Variants in ADAMTS1 observed in about 807,000 individuals in gnomAD.
ADAMTS1 encodes A disintegrin and metalloproteinase with thrombospondin motifs 1.
A neutral mutation model predicts 87.9 loss-of-function variants in ADAMTS1; 19 were observed. The ratio of observed to expected loss-of-function variants is 0.22; its 90% CI spans 0.15 to 0.32. The LOEUF is 0.32. Ranked by LOEUF, ADAMTS1 falls within the 10% of genes least tolerant of loss-of-function variation. The probability of loss-of-function intolerance (pLI) is 1.00; values close to 1 mark genes in which losing one functional copy is unlikely to be tolerated. For synonymous variants in ADAMTS1, 542 were observed against 501.8 expected, an observed-to-expected ratio of 1.08 and a Z score of -1.07; for missense variants, 1,240 against 1,259.1, an observed-to-expected ratio of 0.98 and a Z score of 0.23.
In ADAMTS1 at chr21:26,837,522, C is replaced by T. The variant is rs1985391249; in HGVS notation, c.*57G>A. On this transcript the variant is annotated 3_prime_UTR_variant, in exon 9 of 9. Transcript: ENST00000284984. Reference sequence around the variant, plus strand: ...GATCCCTCCAGCCTTCTTGCTTTCCCTGCACCAGCCCTTCCTCACTTTGCC... The same window carrying T: ...GATCCCTCCAGCCTTCTTGCTTTCCTTGCACCAGCCCTTCCTCACTTTGCC... 3.9e-6 allele frequency: 6 copies of T among 1,519,118 alleles called. No individual in the cohort carries two copies. The highest frequency in any genetic ancestry group is 5.4e-6 in the Non-Finnish European group (6 of 1,104,770). The allele number at this position is 1,519,118 out of a possible 1,614,324, so 94.1% of individuals were successfully genotyped here.
Position 26,844,345 on chromosome 21 carries a change from C to T in ADAMTS1, c.610G>A (p.Glu204Lys), listed in dbSNP as rs1022145752. The change falls in exon 1 of 9, where the codon GAG (glutamate) becomes AAG (lysine). Residue 204 changes from glutamate to lysine, a missense_variant. Around this residue, in one of 3 missense-constraint regions of ADAMTS1, gnomAD observed 521 missense variants for 449.7 expected, o/e 1.16. Coordinates refer to ENST00000284984, the MANE Select transcript of ADAMTS1 (RefSeq NM_006988.5). ...VGGTCGVVDD[E>K]PRPTGKAETE... ...TCCGCTTTCCCAGTCGGCCGGGGCTCGTCGTCCACGACCCCGCACGTGCCG... is the reference window on the plus strand; with the variant it reads ...TCCGCTTTCCCAGTCGGCCGGGGCTTGTCGTCCACGACCCCGCACGTGCCG... The T allele has an allele frequency of 2.2e-5, 35 of 1,604,148 alleles. No individual in the cohort carries two copies. The highest frequency in any genetic ancestry group is 3.4e-5 in the Admixed American group (2 of 59,374).
In ADAMTS1 at chr21:26,843,230, C is replaced by T. The variant is rs568926295; in HGVS notation, c.731-545G>A. On this transcript the variant is annotated intron_variant, in intron 1 of 8. Transcript: ENST00000284984. Reference sequence around the variant, plus strand: ...GCCAATTCCGGGCACAAGGACCACCCACTCTGCCCAGCAGCCTCTGGCCCC... The same window carrying T: ...GCCAATTCCGGGCACAAGGACCACCTACTCTGCCCAGCAGCCTCTGGCCCC... Among the ~76,000 whole-genome samples, 583 of 152,340 alleles carry T rather than the reference C, an allele frequency of 3.8e-3. 2 individuals carry two copies. The highest frequency in any genetic ancestry group is 6.2e-3 in the Non-Finnish European group (419 of 68,030).
Position 26,845,339 on chromosome 21 carries a change from C to A in ADAMTS1, c.-385G>T, listed in dbSNP as rs943713844. On this transcript the variant is annotated 5_prime_UTR_variant, in exon 1 of 9. Coordinates refer to ENST00000284984, the MANE Select transcript of ADAMTS1 (RefSeq NM_006988.5). ...TGTTGCTCACTCTGCTCAGGGCTCT[C>A]CCCTCTCCGTCCGGTAGCGCACCCT... 1.1e-4 allele frequency: 22 copies of A among 192,912 alleles called. No individual in the cohort carries two copies. Among genetic ancestry groups the A allele is most frequent in the Admixed American group, 1.1e-3 (18 of 16,616 alleles). The allele number at this position is 192,912 out of a possible 1,614,324, so 12.0% of individuals were successfully genotyped here.
chr21:26,840,185 G>A lies in ADAMTS1; in HGVS notation c.1665+91C>T, dbSNP rs796720609. ...AAGCTATCTCGCATTCCTGCTAGAG[G>A]ACACGGATGGGGATGTTTAACTTGG... is the stretch of plus-strand genomic sequence containing the variant. On this transcript the variant is annotated intron_variant, in intron 5 of 8. Coordinates refer to ENST00000284984, the MANE Select transcript of ADAMTS1 (RefSeq NM_006988.5). 7 of 1,555,416 alleles carry A rather than the reference G, an allele frequency of 4.5e-6. No individual in the cohort carries two copies. In the South Asian group the frequency reaches 7.3e-5, roughly 16 times the overall value.
At position 26,844,724 on chromosome 21, in the gene ADAMTS1, G is replaced by T. The variant is rs778960726; in HGVS notation, c.231C>A (p.Arg77=). Residue 77 remains arginine (R), a synonymous_variant, in exon 1 of 9, where the codon CGC becomes CGA. Coordinates refer to ENST00000284984, the MANE Select transcript of ADAMTS1 (RefSeq NM_006988.5). ...RAPGHGTTRL[R]LHAFDQQLDL... is the part of the protein sequence containing the mutation. The stretch of plus-strand genomic sequence containing the variant: ...CCAGCTGCTGGTCAAAGGCGTGCAG[G>T]CGGAGGCGCGTGGTCCCGTGTCCCG... 3 of 1,578,806 alleles carry T rather than the reference G, an allele frequency of 1.9e-6. No individual in the cohort carries two copies. Among genetic ancestry groups the T allele is most frequent in the Non-Finnish European group, 1.7e-6 (2 of 1,161,150 alleles).
At chr21:26,842,950 T>C (rs1985527178) in intron 1 of ADAMTS1, 1 of 476,620 alleles carries the variant, frequency 2.1e-6, no homozygotes, top group Non-Finnish European at 3.7e-6. Flanking sequence ...CTCTTTGAAA[T>C]CCCACAGTCT....
At chr21:26,843,075 A>G (rs1489324858) in intron 1 of ADAMTS1, 1 of 268,058 alleles carries the variant, frequency 3.7e-6, no homozygotes, top group Non-Finnish European at 7.2e-6. Context: ...ATCCTGAATG[A>G]GATCATCAGG....
In ADAMTS1 at chr21:26,839,962, G is replaced by A. The variant is rs1985456324; in HGVS notation, c.1765C>T (p.Pro589Ser). The change falls in exon 6 of 9, where the codon CCA becomes TCA. Residue 589 changes from proline (P) to serine (S), a missense_variant. Pro to Ser is a moderately conservative substitution (Grantham distance 74). This residue lies in a region of ADAMTS1 where 317 missense variants were observed against 410.3 expected (regional missense o/e 0.77). Coordinates refer to ENST00000284984, the MANE Select transcript of ADAMTS1 (RefSeq NM_006988.5). Reference sequence around the variant, plus strand: ...TACTTCCCTCCATTCTTTGGGACTGGGTTGTCACATTCCCTCATCGTGTAC... The same window carrying A: ...TACTTCCCTCCATTCTTTGGGACTGAGTTGTCACATTCCCTCATCGTGTAC... ...VQYTMRECDN[P>S]VPKNGGKYCE... 2 of 1,613,840 alleles carry A rather than the reference G, an allele frequency of 1.2e-6. No homozygotes were observed. The highest frequency in any genetic ancestry group is 1.7e-6 in the Non-Finnish European group (2 of 1,180,022).
rs1200498014 is a variant in ADAMTS1 at position 26,838,325 on chromosome 21, TA to T, written c.2205-48del. 3 of 1,572,578 alleles carry T rather than the reference TA, an allele frequency of 1.9e-6. No individual in the cohort carries two copies. In the African/African-American group the frequency reaches 4.1e-5, roughly 21 times the overall value. On this transcript the variant is annotated intron_variant, in intron 8 of 8. Transcript: ENST00000284984. ...ATAAATCTCTGATTCATTGGCTAAT[TA>T]GATTATTTAGCTTAAAAACACATTA... is the stretch of plus-strand genomic sequence containing the variant.
chr21:26,838,463 A>T lies in ADAMTS1; in HGVS notation c.2180T>A (p.Ile727Lys), dbSNP rs748785423. 2 of 1,614,136 alleles carry T rather than the reference A, an allele frequency of 1.2e-6. No homozygotes were observed. The highest frequency in any genetic ancestry group is 1.7e-6 in the Non-Finnish European group (2 of 1,180,018). The change falls in exon 8 of 9, where the codon ATA (isoleucine) becomes AAA (lysine). Residue 727 changes from isoleucine (I) to lysine (K), a missense_variant. By Grantham distance (102) the Ile-to-Lys change is moderately radical. Coordinates refer to ENST00000284984, the MANE Select transcript of ADAMTS1 (RefSeq NM_006988.5). ...CGGNGSTCKK[I>K]SGSVTSAKPG... ...CTTTGCACTAGTAACTGATCCTGAT[A>T]TTTTTTTACAAGTAGATCCATTTCC...
Position 26,837,511 on chromosome 21 carries a change from T to C in ADAMTS1, c.*68A>G. ...AAGATACGCTGGATCCCTCCAGCCT[T>C]CTTGCTTTCCCTGCACCAGCCCTTC... On this transcript the variant is annotated 3_prime_UTR_variant, in exon 9 of 9. Coordinates refer to ENST00000284984, the MANE Select transcript of ADAMTS1 (RefSeq NM_006988.5). 1 of 1,434,648 alleles carries C rather than the reference T, an allele frequency of 7.0e-7. No individual in the cohort carries two copies. Among genetic ancestry groups the C allele is most frequent in the South Asian group, 1.2e-5 (1 of 80,694 alleles). 88.9% of individuals were successfully genotyped at this position (1,434,648 alleles called of 1,614,324 possible). A position where few individuals can be genotyped will look rare whatever the true frequency, so the allele number is the denominator to read the frequency against.
chr21:26,844,527 T>C lies in ADAMTS1; in HGVS notation c.428A>G (p.Glu143Gly), dbSNP rs1225540419. The change falls in exon 1 of 9, where the codon GAG becomes GGG. Residue 143 changes from glutamate (E) to glycine (G), a missense_variant. This residue lies in a region of ADAMTS1 where 521 missense variants were observed against 449.7 expected (regional missense o/e 1.16). Coordinates refer to ENST00000284984, the MANE Select transcript of ADAMTS1 (RefSeq NM_006988.5). ...CAGGTAGAAGGCGCCGCGCACGCCCTCGCAGAGGCTGAGGGCGGCAGCCGA... is the reference window on the plus strand; with the variant it reads ...CAGGTAGAAGGCGCCGCGCACGCCCCCGCAGAGGCTGAGGGCGGCAGCCGA... ...PSSAAALSLC[E>G]GVRGAFYLLG... is the part of the protein sequence containing the mutation. 6.9e-6 allele frequency: 11 copies of C among 1,602,764 alleles called. No individual in the cohort carries two copies. Among genetic ancestry groups the C allele is most frequent in the Non-Finnish European group, 9.4e-6 (11 of 1,175,316 alleles).
chr21:26,844,733 C>T lies in ADAMTS1; in HGVS notation c.222G>A (p.Thr74=), dbSNP rs768377108. The T allele has an allele frequency of 4.5e-6, 7 of 1,571,782 alleles. No individual in the cohort carries two copies. The highest frequency in any genetic ancestry group is 4.0e-5 in the African/African-American group (3 of 74,404). The change falls in exon 1 of 9, where the codon ACG becomes ACA. Residue 74 remains threonine (T), a synonymous_variant. Transcript: ENST00000284984. ...GGTCAAAGGCGTGCAGGCGGAGGCGCGTGGTCCCGTGTCCCGGGGCGCGCT... is the reference window on the plus strand; with the variant it reads ...GGTCAAAGGCGTGCAGGCGGAGGCGTGTGGTCCCGTGTCCCGGGGCGCGCT... ...ELERAPGHGT[T]RLRLHAFDQQ...
chr21:26,837,637 T>G lies in ADAMTS1; in HGVS notation c.2846A>C (p.Asp949Ala). Residue 949 changes from aspartate to alanine, a missense_variant, in exon 9 of 9, where the codon GAT becomes GCT. This residue lies in a region of ADAMTS1 where 402 missense variants were observed against 399.1 expected (regional missense o/e 1.01). Transcript: ENST00000284984. ...DGGVLSHESCDPLKKPKHFID... is the reference protein window; with the variant it reads ...DGGVLSHESCAPLKKPKHFID... ...GAAATGTTTAGGTTTCTTTAAAGGA[T>G]CACAGCTCTCATGAGATAACACCCC... 6.2e-7 allele frequency: 1 copy of G among 1,614,218 alleles called. No individual in the cohort carries two copies. The highest frequency in any genetic ancestry group is 8.5e-7 in the Non-Finnish European group (1 of 1,180,048).
At chr21:26,841,486 A>G (rs532656369) in intron 3 of ADAMTS1, 2 of 251,608 alleles carry the variant, frequency 7.9e-6, no homozygotes, top group Non-Finnish European at 1.5e-5. Flanking sequence ...CTCAAAAAAA[A>G]TAATAATAAA....
Position 26,842,389 on chromosome 21 carries a change from T to C in ADAMTS1, c.1027A>G (p.Ser343Gly), listed in dbSNP as rs749182086. 6.8e-6 allele frequency: 11 copies of C among 1,614,048 alleles called. 1 individual carries two copies. In the Admixed American group the frequency reaches 1.5e-4, roughly 22 times the overall value. ...CNWQKQHNPP[S>G]DRDAEHYDTA... ...TCATAGTGCTCTGCATCCCGGTCAC[T>C]GGGTGGGTTGTGCTGCTTCTGCCAG... The change falls in exon 2 of 9, where the codon AGT becomes GGT. Residue 343 changes from serine (S) to glycine (G), a missense_variant. This residue lies in a region of ADAMTS1 where 317 missense variants were observed against 410.3 expected (regional missense o/e 0.77). Coordinates refer to ENST00000284984, the MANE Select transcript of ADAMTS1 (RefSeq NM_006988.5).
chr21:26,843,746 C>G, intron 1 of ADAMTS1: 1 of 500,948 alleles, frequency 2.0e-6, no homozygotes, highest in Non-Finnish European at 4.1e-6. Flanking sequence ...GGGTACCTTC[C>G]CAGGTCACCA....
At position 26,837,833 on chromosome 21, in the gene ADAMTS1, T is replaced by C; in HGVS notation, c.2650A>G (p.Ile884Val). The stretch of plus-strand genomic sequence containing the variant: ...CACTCGGAAGCAGGCTGTCCATTAA[T>C]GTCTCGGCATTCTACCAGTCTTCTC... Reference protein sequence around the residue: ...WQRRLVECRDINGQPASECAK... With the variant: ...WQRRLVECRDVNGQPASECAK... Residue 884 changes from isoleucine to valine, a missense_variant, in exon 9 of 9, where the codon ATT becomes GTT. Coordinates refer to ENST00000284984, the MANE Select transcript of ADAMTS1 (RefSeq NM_006988.5). 6.2e-7 allele frequency: 1 copy of C among 1,614,240 alleles called. No homozygotes were observed. The highest frequency in any genetic ancestry group is 1.1e-5 in the South Asian group (1 of 91,088).
chr21:26,841,288 G>A (rs1985488818), intron 3 of ADAMTS1, 123 bp from the exon 4 acceptor site: 3 of 971,350 alleles, frequency 3.1e-6, no homozygotes, highest in East Asian at 2.6e-5. Context: ...AGACCAGCAT[G>A]GCCAACATAG....
Sources: allele counts gnomAD v4.1 joint callset (sites outside exome capture counted in the v4.1 genomes callset), GRCh38; gene constraint gnomAD v4.1.1; regional missense constraint gnomAD v4.1.1; transcripts MANE v1.5; gene names NCBI Gene and HGNC (gene_info 2026-07-23, HGNC 2026-07-21).